CCDC125: variants seen among roughly 807,000 people sequenced by gnomAD.
CCDC125 encodes the protein coiled-coil domain containing 125.
In CCDC125, 43 loss-of-function variants were observed where a neutral mutation model predicts 57.4. The observed-to-expected ratio is 0.75, with a 90% confidence interval of 0.59 to 0.97. CCDC125 has a LOEUF of 0.97. CCDC125 is among the 50% of genes least tolerant of loss of function. The pLI, the probability that CCDC125 is intolerant of heterozygous loss-of-function variation, is 0.00. For missense variants in CCDC125, 563 were observed against 595.7 expected, an observed-to-expected ratio of 0.95 and a Z score of 0.57; for synonymous variants, 187 against 195.2, an observed-to-expected ratio of 0.96 and a Z score of 0.35.
chr5:69,289,708 C>T (rs1237712513), intron 10 of CCDC125, among the ~76,000 whole-genome samples: 1 of 151,746 alleles, frequency 6.6e-6, no homozygotes, highest in Non-Finnish European at 1.5e-5. Context: ...TAAACAAATA[C>T]AAAATTTAGC....
intron 8 of CCDC125, 57 bp from the exon 9 acceptor site, chr5:69,294,957 A>C (rs1755081514): frequency 6.9e-7 from 1 of 1,446,048 alleles, no homozygotes; most frequent in Admixed American, 1.8e-5. Flanking sequence ...TTAGCTGCAC[A>C]CAAACACAGG....
intron 1 of CCDC125, among the ~76,000 whole-genome samples, chr5:69,330,670 A>G (rs570406734): frequency 3.0e-4 from 45 of 152,070 alleles, no homozygotes; most frequent in Non-Finnish European, 5.3e-4. Context: ...AAATGCATCA[A>G]CTATGCTCCA....
At position 69,283,010 on chromosome 5, in the gene CCDC125, C is replaced by T; in HGVS notation, c.1255G>A (p.Ala419Thr). The change falls in exon 12 of 12, where the codon GCT (alanine) becomes ACT (threonine). Residue 419 changes from alanine to threonine, a missense_variant. By Grantham distance (58) the Ala-to-Thr change is moderately conservative (BLOSUM62 0). Coordinates refer to ENST00000396496, the MANE Select transcript of CCDC125 (RefSeq NM_176816.5). ...DLLNDKEEAL[A>T]HQRKVSYMLA... ...ATGTAGCTAACTTTTCTTTGATGAG[C>T]CAAAGCTTCTTCTTTATCATTAAGC... 6.3e-7 allele frequency: 1 copy of T among 1,597,610 alleles called. No homozygotes were observed. Among genetic ancestry groups the T allele is most frequent in the Non-Finnish European group, 8.5e-7 (1 of 1,174,386 alleles).
In CCDC125 at chr5:69,280,838, G is replaced by C. The variant is rs1752431100; in HGVS notation, c.*1891C>G. 6.6e-6 allele frequency: 1 copy of C among 152,498 alleles called. No individual in the cohort carries two copies. Among genetic ancestry groups the C allele is most frequent in the Non-Finnish European group, 1.5e-5 (1 of 68,302 alleles). The allele number at this position is 152,498 out of a possible 1,614,324, so 9.4% of individuals were successfully genotyped here. On this transcript the variant is annotated 3_prime_UTR_variant, in exon 12 of 12. Transcript: ENST00000396496. ...CTTTTGGAGATGGGGGTCTCACTCT[G>C]TCACTCAGGCTGGAGTGCAGTGGCA...
In CCDC125 at chr5:69,321,217, A is replaced by C. The variant is rs1759969846; in HGVS notation, c.-40-637T>G. On this transcript the variant is annotated intron_variant, in intron 1 of 11. Transcript: ENST00000396496. ...AAATGATAAGTATTTGAGATGATGG[A>C]TATGTTAATCAACTTGATTTAATTA... Among the ~76,000 whole-genome samples, 4 of 152,238 alleles carry C rather than the reference A, an allele frequency of 2.6e-5. No homozygotes were observed. The South Asian group carries it at 8.3e-4, about 31-fold the overall frequency.
At chr5:69,297,198 A>C (rs936393982) in intron 8 of CCDC125, among the ~76,000 whole-genome samples, 2 of 151,798 alleles carry the variant, frequency 1.3e-5, no homozygotes, top group Admixed American at 6.6e-5. Context: ...CACCACACCC[A>C]GCTAATTTTT....
At chr5:69,331,463 C>A (rs932192314) in intron 1 of CCDC125, among the ~76,000 whole-genome samples, 1 of 151,938 alleles carries the variant, frequency 6.6e-6, no homozygotes, top group African/African-American at 2.4e-5. Context: ...ACCTCCAGAC[C>A]TCAGGAGATC....
chr5:69,314,040 G>T lies in CCDC125; in HGVS notation c.311C>A (p.Ser104Ter). 1 of 1,607,046 alleles carries T rather than the reference G, an allele frequency of 6.2e-7. No individual in the cohort carries two copies. Among genetic ancestry groups the T allele is most frequent in the Non-Finnish European group, 8.5e-7 (1 of 1,173,650 alleles). ...TTCTTCATTTGACAATTCTGAATTC[G>T]AATCTACTTGGGAGGGAGGAGAAAA... ...NYRRQSSTVD[S>*]NSELSNEELR... The change falls in exon 3 of 12, where the codon TCG (serine) becomes TAG (stop). Residue 104 changes from serine (S) to a stop codon, truncating the protein, a stop_gained. Coordinates refer to ENST00000396496, the MANE Select transcript of CCDC125 (RefSeq NM_176816.5). LOFTEE classifies it high-confidence loss of function.
At chr5:69,286,234 A>ATATATATATAT (rs1554071341) in intron 10 of CCDC125, among the ~76,000 whole-genome samples, 22 of 48,384 alleles carry the variant, frequency 4.5e-4, no homozygotes, top group Non-Finnish European at 6.3e-4. Context: ...ATATATATAT[A>ATATATATATAT]ATTTTTTTTT....
At chr5:69,310,579 C>G in intron 4 of CCDC125, 1 of 157,414 alleles carries the variant, frequency 6.4e-6, no homozygotes, top group Non-Finnish European at 1.4e-5. Flanking sequence ...GACTAATACA[C>G]CACCCAAATG....
intron 9 of CCDC125, among the ~76,000 whole-genome samples, chr5:69,293,448 A>G (rs751716751): frequency 3.9e-5 from 6 of 151,984 alleles, no homozygotes; most frequent in Non-Finnish European, 7.4e-5. Context: ...TCAGGAGTTC[A>G]AGACCAGCCT....
At position 69,308,048 on chromosome 5, in the gene CCDC125, C is replaced by T. The variant is rs1327320402; in HGVS notation, c.454-20G>A. On this transcript the variant is annotated intron_variant, in intron 4 of 11. Coordinates refer to ENST00000396496, the MANE Select transcript of CCDC125 (RefSeq NM_176816.5). ...TATTGCCTAAGAAAAATAAAACTAG[C>T]ATCAGTATAAATTAAATTTGTAATC... 14 of 1,561,740 alleles carry T rather than the reference C, an allele frequency of 9.0e-6. No individual in the cohort carries two copies. Among genetic ancestry groups the T allele is most frequent in the African/African-American group, 1.4e-5 (1 of 73,884 alleles).
chr5:69,307,402 G>A (rs545450292), intron 5 of CCDC125, among the ~76,000 whole-genome samples: 7 of 152,200 alleles, frequency 4.6e-5, no homozygotes, highest in African/African-American at 1.7e-4. Context: ...AGAAAAATGG[G>A]CTGGGCACGG....
At chr5:69,331,895 A>T (rs1270892855) in intron 1 of CCDC125, among the ~76,000 whole-genome samples, 1 of 152,190 alleles carries the variant, frequency 6.6e-6, no homozygotes, top group African/African-American at 2.4e-5. Context: ...TCTTTTTAAT[A>T]GTGCTTACTT....
At chr5:69,327,180 C>T (rs953676900) in intron 1 of CCDC125, among the ~76,000 whole-genome samples, 9 of 151,276 alleles carry the variant, frequency 5.9e-5, no homozygotes, top group Non-Finnish European at 1.0e-4. Context: ...CTGCAAGCTC[C>T]GCCTCCCGGG....
chr5:69,273,759 A>G, the CCDC125 span, among the ~76,000 whole-genome samples: 47 of 152,352 alleles, frequency 3.1e-4, 2 homozygotes, highest in South Asian at 8.3e-4. Flanking sequence ...GTACAGTAAT[A>G]TTAAGCATAC....
chr5:69,313,825 G>A (rs972108503), intron 3 of CCDC125, 160 bp downstream of exon 3: 11 of 837,284 alleles, frequency 1.3e-5, no homozygotes, highest in Middle Eastern at 2.2e-4. Context: ...ACTTCATGTC[G>A]TTGAACACCT....
At chr5:69,292,102 T>C (rs1253300838) in intron 10 of CCDC125, 86 bp downstream of exon 10, 9 of 1,211,308 alleles carry the variant, frequency 7.4e-6, no homozygotes, top group Non-Finnish European at 1.0e-5. Flanking sequence ...TTTGCCCACA[T>C]TGGATTAAGT....
intron 2 of CCDC125, among the ~76,000 whole-genome samples, chr5:69,316,862 T>C (rs1266745100): frequency 2.6e-5 from 4 of 152,156 alleles, no homozygotes; most frequent in African/African-American, 7.2e-5. Flanking sequence ...ATTTGTGTTG[T>C]TTTAAGCCAT....
Sources: gnomAD v4.1 joint callset for allele counts (sites outside exome capture counted in the v4.1 genomes callset) on GRCh38, gnomAD v4.1.1 for gene constraint, MANE v1.5 for transcripts, NCBI Gene and HGNC (gene_info 2026-07-23, HGNC 2026-07-21) for gene names.